TENT5D: variants seen among roughly 807,000 people sequenced by gnomAD.
TENT5D encodes cancer/testis antigen 112.
For missense variants in TENT5D, 191 were observed against 287.0 expected (o/e 0.67, Z 2.42); for synonymous variants, 103 against 100.6 (o/e 1.02, Z -0.15).
At chrX:80,417,065 C>T (rs1478854590), upstream of TENT5D, among the ~76,000 whole-genome samples, 1 of 111,163 alleles carries the variant, frequency 9.0e-6, no homozygotes, top group Non-Finnish European at 1.9e-5. Context: ...TTCCTGATTT[C>T]TCCTTTTTGA....
chrX:80,339,998 A>G (rs1033390549), intron 2 of TENT5D, among the ~76,000 whole-genome samples: 1 of 110,345 alleles, frequency 9.1e-6, no homozygotes, highest in East Asian at 2.8e-4. Context: ...TTGAATAATA[A>G]AAATGAAGTT....
chrX:80,346,096 A>C (rs75356764), intron 3 of TENT5D, among the ~76,000 whole-genome samples: 2 of 112,190 alleles, frequency 1.8e-5, no homozygotes, highest in Non-Finnish European at 3.8e-5. Context: ...ACCTTCAAGA[A>C]TTGTCATTTA....
At chrX:80,385,500 A>G (rs1602201580) in intron 3 of TENT5D, among the ~76,000 whole-genome samples, 1 of 112,211 alleles carries the variant, frequency 8.9e-6, no homozygotes, top group African/African-American at 3.2e-5. Flanking sequence ...GCCATTCAGG[A>G]CATAGGCATG....
chrX:80,433,642 C>T (rs1317105265), intron 1 of TENT5D, among the ~76,000 whole-genome samples: 1 of 111,785 alleles, frequency 8.9e-6, no homozygotes, highest in East Asian at 2.8e-4. Flanking sequence ...GCTATTTTCT[C>T]TTCGTGTTTA....
intron 3 of TENT5D, among the ~76,000 whole-genome samples, chrX:80,390,186 A>G (rs1030655266): frequency 9.9e-5 from 11 of 111,605 alleles, no homozygotes; most frequent in Non-Finnish European, 2.1e-4. Context: ...TTATTTTCTT[A>G]TTGAAGTAGG....
chrX:80,337,340 T>C (rs1272655998), intron 2 of TENT5D, among the ~76,000 whole-genome samples: 1 of 111,912 alleles, frequency 8.9e-6, no homozygotes, highest in Non-Finnish European at 1.9e-5. Context: ...TAAGTTCCCT[T>C]GTATACTCCT....
At chrX:80,372,530 G>A (rs1042993538) in intron 3 of TENT5D, among the ~76,000 whole-genome samples, 2 of 110,875 alleles carry the variant, frequency 1.8e-5, no homozygotes, top group South Asian at 3.8e-4. Flanking sequence ...TAGAGATCTC[G>A]TCTCGTGGGA....
chrX:80,345,256 A>G (rs1930036057), intron 3 of TENT5D, among the ~76,000 whole-genome samples: 1 of 111,421 alleles, frequency 9.0e-6, no homozygotes, highest in Admixed American at 9.6e-5. Flanking sequence ...ATATCCATGT[A>G]TCATCAGAGA....
exon 3 of TENT5D, chrX:80,443,715 A>G: frequency 2.6e-6 from 3 of 1,145,944 alleles, no homozygotes; most frequent in Non-Finnish European, 3.5e-6. Context: ...GTTAAAAAAT[A>G]CACATGCAAC....
At chrX:80,438,359 G>A (rs2147570468) in intron 1 of TENT5D, among the ~76,000 whole-genome samples, 2 of 109,351 alleles carry the variant, frequency 1.8e-5, no homozygotes, top group East Asian at 5.9e-4. Flanking sequence ...AATAGTGGTT[G>A]TCAAATTTTA....
rs139469848 is a variant in TENT5D, at chrX:80,344,102, A to G, written c.-142+1538A>G. ...CCTTAGGATAATGGCCTCAAGATGC[A>G]TCTATGTTGCTGCAAATGACATGAT... is the stretch of plus-strand genomic sequence containing the variant. On this transcript the variant is annotated intron_variant, in intron 3 of 4. Coordinates refer to the TENT5D transcript ENST00000538312. 2.5e-3 allele frequency among the ~76,000 whole-genome samples: 278 copies of G among 110,446 alleles called. 7 individuals are homozygous for G. In the East Asian group the frequency reaches 0.07, roughly 28 times the overall value.
intron 3 of TENT5D, among the ~76,000 whole-genome samples, chrX:80,355,842 C>T (rs899593234): frequency 9.0e-6 from 1 of 111,614 alleles, no homozygotes; most frequent in African/African-American, 3.3e-5. Context: ...GCTGTGGTCT[C>T]TCTTGGTAGG....
chrX:80,345,092 A>C (rs1930033300), intron 3 of TENT5D, among the ~76,000 whole-genome samples: 1 of 112,079 alleles, frequency 8.9e-6, no homozygotes, highest in South Asian at 3.7e-4. Flanking sequence ...AGAAATAGTG[A>C]CAGTTTAAGA....
At chrX:80,437,884 GA>G (rs1374370227) in intron 1 of TENT5D, among the ~76,000 whole-genome samples, 2 of 110,897 alleles carry the variant, frequency 1.8e-5, no homozygotes, top group Non-Finnish European at 3.8e-5. Flanking sequence ...TAAAGTACAG[GA>G]ATTCATTTTT....
At chrX:80,416,493 C>G (rs1469004181), upstream of TENT5D, among the ~76,000 whole-genome samples, 1 of 108,216 alleles carries the variant, frequency 9.2e-6, no homozygotes, top group Non-Finnish European at 1.9e-5. Flanking sequence ...TATGTTGTCC[C>G]TTTTTTCTTA....
intron 1 of TENT5D, among the ~76,000 whole-genome samples, chrX:80,435,734 T>C (rs1050476809): frequency 8.9e-6 from 1 of 112,463 alleles, no homozygotes; most frequent in South Asian, 3.6e-4. Flanking sequence ...CTACTTCTTA[T>C]TGAGAACAAA....
At chrX:80,424,767 G>C (rs1931957295) in intron 1 of TENT5D, among the ~76,000 whole-genome samples, 1 of 112,636 alleles carries the variant, frequency 8.9e-6, no homozygotes, top group Non-Finnish European at 1.9e-5. Context: ...TACAGAAACT[G>C]CAGCAAGAAT....
chrX:80,381,944 T>G (rs113404879), intron 3 of TENT5D, among the ~76,000 whole-genome samples: 13,419 of 112,031 alleles, frequency 0.12, 903 homozygotes, highest in East Asian at 0.48. Flanking sequence ...ACCAGCCTTC[T>G]GAAACCTACT....
intron 2 of TENT5D, among the ~76,000 whole-genome samples, chrX:80,335,894 CACTA>C (rs1051132167): frequency 4.5e-5 from 5 of 110,550 alleles, no homozygotes; most frequent in African/African-American, 9.9e-5. Context: ...TATGTATTCG[CACTA>C]ACTTTTTTTT....
Sources: allele counts gnomAD v4.1 joint callset (sites outside exome capture counted in the v4.1 genomes callset), GRCh38; gene constraint gnomAD v4.1.1; transcripts MANE v1.5; gene names NCBI Gene and HGNC (gene_info 2026-07-23, HGNC 2026-07-21).